Variants in CSMD1 observed in about 807,000 individuals in gnomAD.
CSMD1 encodes CUB and Sushi multiple domains 1.
In CSMD1, 213 loss-of-function variants were observed where a neutral mutation model predicts 417.5. The ratio of observed to expected loss-of-function variants is 0.51; its 90% CI spans 0.46 to 0.57. The LOEUF is 0.57. Among genes scored for constraint, CSMD1 ranks in the 20% least tolerant of loss-of-function variants. The probability of loss-of-function intolerance (pLI) is 0.00; values close to 1 mark genes in which losing one functional copy is unlikely to be tolerated. For synonymous variants in CSMD1, 2,862 were observed against 1,736.8 expected, an observed-to-expected ratio of 1.65 and a Z score of -16.11; for missense variants, 6,923 against 4,529.7, an observed-to-expected ratio of 1.53 and a Z score of -15.17.
At chr8:4,856,255 C>T (rs1801792184) in intron 1 of CSMD1, among the ~76,000 whole-genome samples, 2 of 139,858 alleles carry the variant, frequency 1.4e-5, no homozygotes, top group South Asian at 4.9e-4. Context: ...TACAAGAGCT[C>T]CTGAAGGAAG....
At chr8:4,949,822 G>C (rs1255188579) in intron 1 of CSMD1, among the ~76,000 whole-genome samples, 1 of 152,166 alleles carries the variant, frequency 6.6e-6, no homozygotes, top group Non-Finnish European at 1.5e-5. Context: ...GAGCATATCT[G>C]AAGGACAGGA....
chr8:3,227,895 G>A (rs1467256747), intron 27 of CSMD1, among the ~76,000 whole-genome samples: 1 of 151,656 alleles, frequency 6.6e-6, no homozygotes, highest in African/African-American at 2.4e-5. Context: ...AGCCTCCCAA[G>A]TAGCTGGGAT....
intron 46 of CSMD1, among the ~76,000 whole-genome samples, chr8:3,097,457 AG>A (rs386720938): frequency 2.4e-5 from 3 of 123,472 alleles, no homozygotes; most frequent in African/African-American, 5.1e-5. Flanking sequence ...AATATACAGT[AG>A]GCCCCCTTAC....
At position 3,600,145 on chromosome 8, in the gene CSMD1, G is replaced by A. The variant is rs573339597; in HGVS notation, c.1098-13885C>T. Among the ~76,000 whole-genome samples the A allele has an allele frequency of 3.3e-5, 5 of 152,288 alleles. No individual in the cohort carries two copies. In the South Asian group the frequency reaches 1.0e-3, roughly 32 times the overall value. On this transcript the variant is annotated intron_variant, in intron 8 of 69. Coordinates refer to ENST00000635120, the MANE Select transcript of CSMD1 (RefSeq NM_033225.6). ...ATTTAAGACACACACACACATAACT[G>A]CAGGTGGCATCAGCAAGCTGAAAAC...
intron 1 of CSMD1, among the ~76,000 whole-genome samples, chr8:4,971,041 A>G (rs1409337373): frequency 6.6e-6 from 1 of 152,078 alleles, no homozygotes; most frequent in Non-Finnish European, 1.5e-5. Flanking sequence ...GAATTGACTT[A>G]GTCTTAACTA....
intron 23 of CSMD1, among the ~76,000 whole-genome samples, chr8:3,310,435 C>G (rs774998753): frequency 1.3e-5 from 2 of 152,190 alleles, no homozygotes; most frequent in Non-Finnish European, 2.9e-5. Context: ...AAACTAGAGG[C>G]AGAATGACTT....
At position 3,028,371 on chromosome 8, in the gene CSMD1, G is replaced by C. The variant is rs530616313; in HGVS notation, c.7855+948C>G. ...TGCAAAGGTGTGACAAAGAGGAACG[G>C]CTCTGCAAACTCAGTGACCAGGTCA... On this transcript the variant is annotated intron_variant, in intron 51 of 69. Coordinates refer to ENST00000635120, the MANE Select transcript of CSMD1 (RefSeq NM_033225.6). Among the ~76,000 whole-genome samples the C allele has an allele frequency of 2.8e-4, 43 of 152,288 alleles. 2 individuals are homozygous for C. In the South Asian group the frequency reaches 8.3e-3, roughly 29 times the overall value.
intron 1 of CSMD1, among the ~76,000 whole-genome samples, chr8:4,968,222 G>C (rs907748079): frequency 1.3e-5 from 2 of 151,326 alleles, no homozygotes; most frequent in Admixed American, 1.3e-4. Flanking sequence ...TCAGGGTTTT[G>C]ATTCATTTTT....
Position 3,187,883 on chromosome 8 carries a change from A to T in CSMD1, c.5606T>A (p.Leu1869Gln). Residue 1869 changes from leucine (L) to glutamine (Q), a missense_variant, in exon 36 of 70, where the codon CTG (leucine) becomes CAG (glutamine). Transcript: ENST00000635120. ...CTCCATCTTACCTGAGAAGCTTCCC[A>T]GTCTGGGTGCGGTCACATCCCCACC... is the stretch of plus-strand genomic sequence containing the variant. ...HDGGDVTAPR[L>Q]GSFSGTTVPA... is the part of the protein sequence containing the mutation. The T allele has an allele frequency of 6.2e-7, 1 of 1,612,790 alleles. No homozygotes were observed.
chr8:2,940,730 T>C (rs1486461352), intron 69 of CSMD1, among the ~76,000 whole-genome samples: 2 of 152,228 alleles, frequency 1.3e-5, no homozygotes, highest in African/African-American at 4.8e-5. Context: ...TGTGGGGTTA[T>C]CTTTTTAAAG....
At chr8:4,692,712 AC>A (rs1364081032) in intron 1 of CSMD1, among the ~76,000 whole-genome samples, 1 of 151,954 alleles carries the variant, frequency 6.6e-6, no homozygotes, top group Non-Finnish European at 1.5e-5. Flanking sequence ...CAGCCTGCAA[AC>A]CCCCCGATAA....
chr8:3,063,097 A>G (rs1055491703), intron 49 of CSMD1, among the ~76,000 whole-genome samples: 14 of 152,154 alleles, frequency 9.2e-5, no homozygotes, highest in African/African-American at 3.4e-4. Context: ...GCATTTAATC[A>G]ATCTCGTATC....
chr8:4,165,005 T>A (rs1056231775), intron 3 of CSMD1, among the ~76,000 whole-genome samples: 1 of 152,192 alleles, frequency 6.6e-6, no homozygotes, highest in East Asian at 1.9e-4. Flanking sequence ...CCTATGTTCT[T>A]GTATGTTTTT....
At chr8:4,450,852 G>A (rs555337283) in intron 2 of CSMD1, among the ~76,000 whole-genome samples, 119 of 152,254 alleles carry the variant, frequency 7.8e-4, no homozygotes, top group African/African-American at 2.8e-3. Flanking sequence ...GTGGATGTGA[G>A]AGGAACAATT....
intron 8 of CSMD1, among the ~76,000 whole-genome samples, chr8:3,594,533 GT>G (rs1801003724): frequency 6.6e-6 from 1 of 152,128 alleles, no homozygotes; most frequent in Non-Finnish European, 1.5e-5. Context: ...GTCCAGGAAT[GT>G]TTTTCAAAGG....
chr8:3,905,031 T>G (rs973579683), intron 5 of CSMD1, among the ~76,000 whole-genome samples: 1 of 152,154 alleles, frequency 6.6e-6, no homozygotes, highest in African/African-American at 2.4e-5. Context: ...GAACTTGTAC[T>G]GGTGACTGAT....
At chr8:3,562,449 TACTC>T (rs1419731545) in intron 10 of CSMD1, among the ~76,000 whole-genome samples, 4 of 48,204 alleles carry the variant, frequency 8.3e-5, no homozygotes, top group African/African-American at 1.4e-4. Context: ...CACATACACA[TACTC>T]ACAGCATATA....
At chr8:4,307,861 C>T (rs530406824) in intron 3 of CSMD1, among the ~76,000 whole-genome samples, 1 of 152,246 alleles carries the variant, frequency 6.6e-6, no homozygotes, top group South Asian at 2.1e-4. Context: ...CAGAAATCTT[C>T]ACTGAGCAAG....
chr8:3,864,339 C>T (rs147031745), intron 5 of CSMD1, among the ~76,000 whole-genome samples: 86 of 146,256 alleles, frequency 5.9e-4, no homozygotes, highest in African/African-American at 2.2e-3. Flanking sequence ...TTATGAAAGA[C>T]GATGCATAGA....
Sources: gnomAD v4.1 joint callset for allele counts (sites outside exome capture counted in the v4.1 genomes callset) on GRCh38, gnomAD v4.1.1 for gene constraint, MANE v1.5 for transcripts, NCBI Gene and HGNC (gene_info 2026-07-23, HGNC 2026-07-21) for gene names.